PPP1R14C: variants seen among roughly 807,000 people sequenced by gnomAD.
PPP1R14C encodes protein phosphatase 1 regulatory inhibitor subunit 14C, also known as protein phosphatase 1 regulatory subunit 14C.
A neutral mutation model predicts 20.4 loss-of-function variants in PPP1R14C; 16 were observed. The ratio of observed to expected loss-of-function variants is 0.78; its 90% CI spans 0.53 to 1.19. The LOEUF (loss-of-function observed/expected upper bound fraction) is 1.19, where lower values mean the gene tolerates loss of function less well. PPP1R14C is among the 50% of genes most tolerant of loss of function. The pLI is 0.00. For synonymous variants in PPP1R14C, 91 were observed against 91.0 expected, an observed-to-expected ratio of 1.00 and a Z score of 0.00; for missense variants, 211 against 220.1, an observed-to-expected ratio of 0.96 and a Z score of 0.26.
chr6:150,214,863 TG>T, intron 2 of PPP1R14C, 36 bp downstream of exon 2: 1 of 1,460,134 alleles, frequency 6.8e-7, no homozygotes, highest in Non-Finnish European at 9.6e-7. Flanking sequence ...CTTCTAATCA[TG>T]GACACTTGAG....
intron 1 of PPP1R14C, 128 bp from the exon 2 acceptor site, chr6:150,214,616 C>A: frequency 1.6e-6 from 1 of 624,426 alleles, no homozygotes; most frequent in Non-Finnish European, 2.8e-6. Context: ...GCCTCTCCTT[C>A]CCCCTGCTTA....
Position 150,227,712 on chromosome 6 carries a change from G to A in PPP1R14C, c.423+10856G>A, listed in dbSNP as rs538183296. On this transcript the variant is annotated intron_variant, in intron 3 of 3. Transcript: ENST00000361131. ...AAAGACACCTTTAAAAAGTTGTCAC[G>A]TTTAGAACAATGTTTCTGAATAGAG... Among the ~76,000 whole-genome samples the A allele has an allele frequency of 1.1e-4, 17 of 151,746 alleles. 1 individual carries two copies. The South Asian group carries it at 3.1e-3, about 28-fold the overall frequency.
chr6:150,169,822 G>A (rs1398815175), intron 1 of PPP1R14C, among the ~76,000 whole-genome samples: 1 of 152,162 alleles, frequency 6.6e-6, no homozygotes, highest in Non-Finnish European at 1.5e-5. Flanking sequence ...TCATTTGTTG[G>A]GGGTGACTCA....
intron 3 of PPP1R14C, among the ~76,000 whole-genome samples, chr6:150,240,012 C>A (rs889055590): frequency 4.6e-5 from 7 of 152,028 alleles, no homozygotes; most frequent in Non-Finnish European, 7.4e-5. Flanking sequence ...CGAGATTGTG[C>A]CACTGCACTC....
At position 150,192,663 on chromosome 6, in the gene PPP1R14C, C is replaced by T. The variant is rs1048401541; in HGVS notation, c.307-22081C>T. On this transcript the variant is annotated intron_variant, in intron 1 of 3. Transcript: ENST00000361131. ...CACCCCCCAAATCTCAGTAGCTTAA[C>T]ACAATATGTGTTATTATATTTCATG... Among the ~76,000 whole-genome samples the T allele has an allele frequency of 4.6e-5, 7 of 152,330 alleles. No homozygotes were observed. In the South Asian group the frequency reaches 1.0e-3, roughly 23 times the overall value.
In PPP1R14C at chr6:150,203,237, C is replaced by A. The variant is rs147350566; in HGVS notation, c.307-11507C>A. On this transcript the variant is annotated intron_variant, in intron 1 of 3. Transcript: ENST00000361131. ...AGTCATCTCTCTTTCCTCATTGGCC[C>A]CTGGCAATCCCTGATGGTTTTACTA... 2.6e-3 allele frequency among the ~76,000 whole-genome samples: 395 copies of A among 152,282 alleles called. 1 individual carries two copies. The highest frequency in any genetic ancestry group is 9.0e-3 in the African/African-American group (374 of 41,558).
At chr6:150,148,933 A>G (rs1777210374) in intron 1 of PPP1R14C, among the ~76,000 whole-genome samples, 1 of 152,116 alleles carries the variant, frequency 6.6e-6, no homozygotes, top group African/African-American at 2.4e-5. Context: ...AGATGGTGGC[A>G]TGCGCTGGTG....
chr6:150,249,154 A>G lies in PPP1R14C; in HGVS notation c.*334A>G. On this transcript the variant is annotated 3_prime_UTR_variant, in exon 4 of 4. Coordinates refer to ENST00000361131, the MANE Select transcript of PPP1R14C (RefSeq NM_030949.3). ...CAAGGACTCAGATGTTCAGTACCTTATGATACAGGGAAGATAGTTTTCTTA... is the reference window on the plus strand; with the variant it reads ...CAAGGACTCAGATGTTCAGTACCTTGTGATACAGGGAAGATAGTTTTCTTA... 4.9e-6 allele frequency: 2 copies of G among 405,152 alleles called. No homozygotes were observed. Among genetic ancestry groups the G allele is most frequent in the Non-Finnish European group, 8.7e-6 (2 of 230,292 alleles). The allele number at this position is 405,152 out of a possible 1,614,324, so 25.1% of individuals were successfully genotyped here.
chr6:150,212,120 T>A (rs986767666), intron 1 of PPP1R14C, among the ~76,000 whole-genome samples: 2 of 152,182 alleles, frequency 1.3e-5, no homozygotes, highest in Non-Finnish European at 2.9e-5. Context: ...CTTCCCAACT[T>A]CTGGGCCAGA....
chr6:150,200,925 C>A (rs1777869930), intron 1 of PPP1R14C, among the ~76,000 whole-genome samples: 1 of 152,182 alleles, frequency 6.6e-6, no homozygotes, highest in Non-Finnish European at 1.5e-5. Flanking sequence ...GTGCCTGGAG[C>A]CGCATGTCTG....
chr6:150,198,381 G>C (rs1489252661), intron 1 of PPP1R14C, among the ~76,000 whole-genome samples: 4 of 152,252 alleles, frequency 2.6e-5, no homozygotes, highest in African/African-American at 4.8e-5. Flanking sequence ...GCCCGGCTTT[G>C]TGTGTCCCTG....
intron 1 of PPP1R14C, among the ~76,000 whole-genome samples, chr6:150,161,852 G>C (rs1019235342): frequency 6.6e-6 from 1 of 152,074 alleles, no homozygotes; most frequent in East Asian, 1.9e-4. Flanking sequence ...ATTCCATCCT[G>C]GGATCCCCCA....
Position 150,172,736 on chromosome 6 carries a change from A to C in PPP1R14C, c.306+29238A>C, listed in dbSNP as rs143750515. Among the ~76,000 whole-genome samples the C allele has an allele frequency of 2.0e-5, 3 of 152,192 alleles. No homozygotes were observed. The East Asian group carries it at 5.8e-4, about 29-fold the overall frequency. The stretch of plus-strand genomic sequence containing the variant: ...GCTGAAACTGGAAGCAGGGGGTTTG[A>C]GGGGTGCTGTAACTGATGTGGGGAG... On this transcript the variant is annotated intron_variant, in intron 1 of 3. Coordinates refer to ENST00000361131, the MANE Select transcript of PPP1R14C (RefSeq NM_030949.3).
intron 1 of PPP1R14C, among the ~76,000 whole-genome samples, chr6:150,156,024 CAAAAAAAAAAA>C (rs67908012): frequency 2.1e-4 from 8 of 38,420 alleles, no homozygotes; most frequent in South Asian, 1.3e-3. Context: ...GACTCTGTCT[CAAAAAAAAAAA>C]AAAAAAAAAA....
At position 150,209,599 on chromosome 6, in the gene PPP1R14C, T is replaced by C. The variant is rs558429052; in HGVS notation, c.307-5145T>C. Among the ~76,000 whole-genome samples, 4 of 151,756 alleles carry C rather than the reference T, an allele frequency of 2.6e-5. No homozygotes were observed. The South Asian group carries it at 8.4e-4, about 32-fold the overall frequency. On this transcript the variant is annotated intron_variant, in intron 1 of 3. Transcript: ENST00000361131. ...ATGTTTGTGTATATATTTGTGTGTG[T>C]GTATGCATGTGAGTGGTGTGGAGTG...
chr6:150,182,157 C>A lies in PPP1R14C; in HGVS notation c.307-32587C>A, dbSNP rs117560737. The stretch of plus-strand genomic sequence containing the variant: ...TTTATAATTTTCATGTTATGGTCAG[C>A]AGAACAGCTTTAGTCTGTGTAGTGG... On this transcript the variant is annotated intron_variant, in intron 1 of 3. Transcript: ENST00000361131. Among the ~76,000 whole-genome samples the A allele has an allele frequency of 2.6e-4, 39 of 152,278 alleles. No individual in the cohort carries two copies. The East Asian group carries it at 6.7e-3, about 26-fold the overall frequency.
intron 1 of PPP1R14C, among the ~76,000 whole-genome samples, chr6:150,157,784 A>G (rs1226084585): frequency 6.6e-6 from 1 of 152,126 alleles, no homozygotes; most frequent in Admixed American, 6.5e-5. Flanking sequence ...AAGAGCAAGA[A>G]CTCACTCACT....
chr6:150,208,714 A>G (rs1459187802), intron 1 of PPP1R14C, among the ~76,000 whole-genome samples: 2 of 152,188 alleles, frequency 1.3e-5, no homozygotes, highest in Non-Finnish European at 2.9e-5. Context: ...GTTTGGCTTC[A>G]CTTGGCGTGA....
Position 150,214,737 on chromosome 6 carries a change from C to A in PPP1R14C, c.307-7C>A, listed in dbSNP as rs553643238. ...AAATGCCTTCATATCCTCCCACTGC[C>A]CCCCAGGAAGAAGAAATGCCAGAGG... On this transcript the variant is annotated splice_region_variant and splice_polypyrimidine_tract_variant and intron_variant, in intron 1 of 3. Transcript: ENST00000361131. 34 of 1,611,006 alleles carry A rather than the reference C, an allele frequency of 2.1e-5. 1 individual carries two copies. In the South Asian group the frequency reaches 3.2e-4, roughly 15 times the overall value.
Sources: allele counts gnomAD v4.1 joint callset (sites outside exome capture counted in the v4.1 genomes callset), GRCh38; gene constraint gnomAD v4.1.1; transcripts MANE v1.5; gene names NCBI Gene and HGNC (gene_info 2026-07-23, HGNC 2026-07-21).